The following CSNK1G1 variants were observed in gnomAD, a reference collection of about 807,000 sequenced individuals.
CSNK1G1 encodes the protein casein kinase 1 gamma 1.
A neutral mutation model predicts 59.6 loss-of-function variants in CSNK1G1; 22 were observed. The ratio of observed to expected loss-of-function variants is 0.37; its 90% CI spans 0.26 to 0.53. The LOEUF is 0.53. Ranked by LOEUF, CSNK1G1 falls within the 20% of genes least tolerant of loss-of-function variation. CSNK1G1 has a pLI of 0.89. For missense variants in CSNK1G1, 384 were observed against 519.5 expected (o/e 0.74, Z 2.54); for synonymous variants, 179 against 177.1 (o/e 1.01, Z -0.08).
At chr15:64,245,454 A>T (rs1197885323) in intron 4 of CSNK1G1, among the ~76,000 whole-genome samples, 1 of 152,218 alleles carries the variant, frequency 6.6e-6, no homozygotes, top group Non-Finnish European at 1.5e-5. Flanking sequence ...TGGGCAAATG[A>T]TCTTCACAGC....
intron 1 of CSNK1G1, among the ~76,000 whole-genome samples, chr15:64,326,238 C>T (rs904010986): frequency 6.6e-6 from 1 of 152,136 alleles, no homozygotes; most frequent in Non-Finnish European, 1.5e-5. Context: ...GTTGCTCAGG[C>T]CAGTCTCGAA....
intron 1 of CSNK1G1, among the ~76,000 whole-genome samples, chr15:64,302,825 CACT>C (rs1197798467): frequency 1.3e-5 from 2 of 152,142 alleles, no homozygotes; most frequent in Non-Finnish European, 2.9e-5. Flanking sequence ...CAAAAATTAT[CACT>C]ACAATAGCCT....
chr15:64,269,976 T>G lies in CSNK1G1; in HGVS notation c.182-10735A>C, dbSNP rs573927699. Among the ~76,000 whole-genome samples, 3 of 152,146 alleles carry G rather than the reference T, an allele frequency of 2.0e-5. No homozygotes were observed. The South Asian group carries it at 6.2e-4, about 32-fold the overall frequency. ...ACGCCACCAGACCTGACTAATTTTT[T>G]TTGTATTTTTAGTAGAGACAGGGTT... On this transcript the variant is annotated intron_variant, in intron 2 of 11. Transcript: ENST00000303052.
In CSNK1G1 at chr15:64,229,902, A is replaced by ATTTTTTTTTTTTTTT; in HGVS notation, c.293-13204_293-13190dup. 6.9e-3 allele frequency among the ~76,000 whole-genome samples: 301 copies of ATTTTTTTTTTTTTTT among 43,796 alleles called. 100 individuals are homozygous for ATTTTTTTTTTTTTTT. The highest frequency in any genetic ancestry group is 9.2e-3 in the Non-Finnish European group (229 of 24,786). 28.7% of individuals were successfully genotyped at this position (43,796 alleles called of 152,430 possible). On this transcript the variant is annotated intron_variant, in intron 4 of 11. Coordinates refer to ENST00000303052, the MANE Select transcript of CSNK1G1 (RefSeq NM_022048.5). Reference sequence around the variant, plus strand: ...CCTATATTTTTGGGCATGTTTGTAAATTTTTTTTTTTTTTTTTTTTTTTTT... The same window carrying ATTTTTTTTTTTTTTT: ...CCTATATTTTTGGGCATGTTTGTAAATTTTTTTTTTTTTTTTTTTTTTTTTTTTTTTTTTTTTTTT...
rs913868483 is a variant in CSNK1G1 at position 64,180,519 on chromosome 15, G to C, written c.1108-65C>G. 3 of 1,306,326 alleles carry C rather than the reference G, an allele frequency of 2.3e-6. No individual in the cohort carries two copies. In the African/African-American group the frequency reaches 4.3e-5, roughly 19 times the overall value. The allele number at this position is 1,306,326 out of a possible 1,614,324, so 80.9% of individuals were successfully genotyped here. A position where few individuals can be genotyped will look rare whatever the true frequency, so the allele number is the denominator to read the frequency against. ...CAACAGAAATCTCTTGCCAGCGCCA[G>C]ACAGGGTCGCTAAACAGGCAGTGTC... On this transcript the variant is annotated intron_variant, in intron 10 of 11. Transcript: ENST00000303052.
intron 2 of CSNK1G1, among the ~76,000 whole-genome samples, chr15:64,292,814 G>C (rs1426252760): frequency 6.6e-6 from 1 of 152,108 alleles, no homozygotes. Flanking sequence ...TGTAATCCCA[G>C]CTACTCAGGA....
chr15:64,355,519 G>A (rs1898605546), intron 1 of CSNK1G1, among the ~76,000 whole-genome samples: 1 of 152,190 alleles, frequency 6.6e-6, no homozygotes, highest in African/African-American at 2.4e-5. Context: ...TCCGCCAAGG[G>A]CGGCTCCCCG....
chr15:64,213,336 A>T lies in CSNK1G1; in HGVS notation c.679+554T>A, dbSNP rs370303069. 2.0e-5 allele frequency among the ~76,000 whole-genome samples: 3 copies of T among 152,202 alleles called. No homozygotes were observed. The East Asian group carries it at 5.8e-4, about 29-fold the overall frequency. ...CCCCTTGGGCTAGTTCCTCACAGGT[A>T]AGGTCTTCTGCCTTGATTAGAGCAT... is the stretch of plus-strand genomic sequence containing the variant. On this transcript the variant is annotated intron_variant, in intron 6 of 11. Coordinates refer to ENST00000303052, the MANE Select transcript of CSNK1G1 (RefSeq NM_022048.5).
chr15:64,335,740 G>T (rs1897355336), intron 1 of CSNK1G1: 1 of 152,144 alleles, frequency 6.6e-6, no homozygotes. Flanking sequence ...AACCTTTTCT[G>T]TTGATCAAGA....
intron 2 of CSNK1G1, among the ~76,000 whole-genome samples, chr15:64,262,148 A>C (rs140227262): frequency 1.3e-5 from 2 of 151,718 alleles, no homozygotes; most frequent in Non-Finnish European, 2.9e-5. Context: ...GTGAATATTT[A>C]ATGCCCATCT....
At chr15:64,268,352 C>T (rs1465336586) in intron 2 of CSNK1G1, among the ~76,000 whole-genome samples, 5 of 152,054 alleles carry the variant, frequency 3.3e-5, no homozygotes, top group African/African-American at 1.2e-4. Context: ...AAAGGTTTGT[C>T]AATGGGTACA....
Position 64,204,467 on chromosome 15 carries a change from C to T in CSNK1G1, c.973G>A (p.Ala325Thr), listed in dbSNP as rs1213153597. 2 of 1,599,528 alleles carry T rather than the reference C, an allele frequency of 1.3e-6. No individual in the cohort carries two copies. Among genetic ancestry groups the T allele is most frequent in the Admixed American group, 3.5e-5 (2 of 57,902 alleles). ...FEKKGYTFDYAYDWVGRPIPT... is the reference protein window; with the variant it reads ...FEKKGYTFDYTYDWVGRPIPT... Reference sequence around the variant, plus strand: ...ATAGGTCTCCCAACCCAATCATAGGCATAGTCAAAGGTGTAGCCTTTCTTT... The same window carrying T: ...ATAGGTCTCCCAACCCAATCATAGGTATAGTCAAAGGTGTAGCCTTTCTTT... The change falls in exon 9 of 12, where the codon GCC (alanine) becomes ACC (threonine). Residue 325 changes from alanine (A) to threonine (T), a missense_variant. Physicochemically the swap from Ala to Thr is moderately conservative, Grantham distance 58 (BLOSUM62 0). This residue lies in a region of CSNK1G1 where 325 missense variants were observed against 440.9 expected (regional missense o/e 0.74). Transcript: ENST00000303052.
rs367597488 is a variant in CSNK1G1, at chr15:64,320,539, C to T, written c.-224-19816G>A. 2.2e-4 allele frequency among the ~76,000 whole-genome samples: 34 copies of T among 151,918 alleles called. No homozygotes were observed. In the East Asian group the frequency reaches 5.6e-3, roughly 25 times the overall value. ...ACCAAAAATACAAAAATTAGCTAGGCGTGGTGGCAAGTGCCTGTAATCCCA... is the reference window on the plus strand; with the variant it reads ...ACCAAAAATACAAAAATTAGCTAGGTGTGGTGGCAAGTGCCTGTAATCCCA... On this transcript the variant is annotated intron_variant, in intron 1 of 11. Transcript: ENST00000303052.
rs1162402293 is a variant in CSNK1G1 at position 64,351,810 on chromosome 15, C to A, written c.-225+4178G>T. On this transcript the variant is annotated intron_variant, in intron 1 of 11. Coordinates refer to ENST00000303052, the MANE Select transcript of CSNK1G1 (RefSeq NM_022048.5). Reference sequence around the variant, plus strand: ...AGGAGGGGCGCTTGAACCTGAGGGGCAGAGGCTGCAGTAAGCTGAGCCTGG... The same window carrying A: ...AGGAGGGGCGCTTGAACCTGAGGGGAAGAGGCTGCAGTAAGCTGAGCCTGG... Among the ~76,000 whole-genome samples the A allele has an allele frequency of 2.0e-5, 3 of 152,074 alleles. No homozygotes were observed. In the South Asian group the frequency reaches 6.2e-4, roughly 32 times the overall value.
chr15:64,244,418 T>C (rs938334123), intron 4 of CSNK1G1, among the ~76,000 whole-genome samples: 3 of 146,396 alleles, frequency 2.0e-5, no homozygotes, highest in Admixed American at 6.8e-5. Flanking sequence ...CCCTTGTTCA[T>C]AGATTGGAAG....
chr15:64,197,642 T>C (rs1185050817), intron 10 of CSNK1G1, among the ~76,000 whole-genome samples: 2 of 152,164 alleles, frequency 1.3e-5, no homozygotes, highest in Non-Finnish European at 2.9e-5. Flanking sequence ...CTAGACTCCC[T>C]CTACATCTCA....
rs2081925644 is a variant in CSNK1G1, at chr15:64,188,352, A to G, written c.1108-7898T>C. 6.6e-7 allele frequency: 1 copy of G among 1,512,132 alleles called. No homozygotes were observed. Among genetic ancestry groups the G allele is most frequent in the African/African-American group, 1.4e-5 (1 of 72,518 alleles). The allele number at this position is 1,512,132 out of a possible 1,614,324, so 93.7% of individuals were successfully genotyped here. ...CCAGCCAAGCTGGAAAGGCCAGGAA[A>G]AGGCAATAAAGGCAGTAAATACCTG... On this transcript the variant is annotated intron_variant, in intron 10 of 11. Coordinates refer to ENST00000303052, the MANE Select transcript of CSNK1G1 (RefSeq NM_022048.5). This position sits in a 1 kb window ranked among gnomAD's most constrained non-coding sequence, Gnocchi z 4.2.
intron 1 of CSNK1G1, among the ~76,000 whole-genome samples, chr15:64,347,118 G>A (rs955770884): frequency 6.6e-6 from 1 of 152,060 alleles, no homozygotes. Context: ...TAGATAACGA[G>A]TAAAATACAA....
At chr15:64,321,717 A>C (rs1896575470) in intron 1 of CSNK1G1, among the ~76,000 whole-genome samples, 1 of 152,244 alleles carries the variant, frequency 6.6e-6, no homozygotes, top group Admixed American at 6.5e-5. Context: ...GAACACGGTA[A>C]ATTTAAAAGT....
Sources: allele counts gnomAD v4.1 joint callset (sites outside exome capture counted in the v4.1 genomes callset), GRCh38; gene constraint gnomAD v4.1.1; regional missense constraint gnomAD v4.1.1; non-coding constraint Gnocchi (gnomAD v3.1); transcripts MANE v1.5; gene names NCBI Gene and HGNC (gene_info 2026-07-23, HGNC 2026-07-21).